The following NREP variants were observed in gnomAD, a reference collection of about 807,000 sequenced individuals.
The protein encoded by NREP is neuronal regeneration related protein.
NREP carries 5 observed loss-of-function variants against 8.6 expected under a neutral mutation model. The observed-to-expected ratio is 0.58, with a 90% CI of 0.30 to 1.22. NREP has a LOEUF of 1.22. NREP is among the 50% of genes most tolerant of loss of function. The probability of loss-of-function intolerance (pLI) is 0.07; values close to 1 mark genes in which losing one functional copy is unlikely to be tolerated. For missense variants in NREP, 86 were observed against 82.5 expected, an observed-to-expected ratio of 1.04 and a Z score of -0.17; for synonymous variants, 27 against 28.0, an observed-to-expected ratio of 0.96 and a Z score of 0.11.
At chr5:111,845,774 G>T (rs949541321) in intron 2 of NREP, among the ~76,000 whole-genome samples, 7 of 151,586 alleles carry the variant, frequency 4.6e-5, no homozygotes, top group Non-Finnish European at 7.4e-5. Context: ...GGACTAACAT[G>T]ACCAAAGGTG....
chr5:111,800,099 T>TG (rs397838069), intron 2 of NREP, among the ~76,000 whole-genome samples: 1 of 151,342 alleles, frequency 6.6e-6, no homozygotes, highest in Non-Finnish European at 1.5e-5. Flanking sequence ...TTTTTTTTTT[T>TG]TGTATTTTTC....
At chr5:111,915,909 G>A (rs10058645) in intron 2 of NREP, among the ~76,000 whole-genome samples, 1,628 of 152,144 alleles carry the variant, frequency 0.011, 28 homozygotes, top group African/African-American at 0.037. Flanking sequence ...AATATTACTA[G>A]AAGAATTGTC....
At chr5:111,947,252 C>G (rs770846077) in intron 2 of NREP, among the ~76,000 whole-genome samples, 7 of 152,008 alleles carry the variant, frequency 4.6e-5, no homozygotes, top group Admixed American at 1.3e-4. Flanking sequence ...GGAGATCCTA[C>G]ATACTAAACT....
chr5:111,834,438 T>G (rs1375274582), intron 2 of NREP, among the ~76,000 whole-genome samples: 2 of 152,200 alleles, frequency 1.3e-5, no homozygotes, highest in Non-Finnish European at 2.9e-5. Context: ...TTCAAACTAA[T>G]AATATTTTAA....
chr5:111,967,059 G>A (rs544131507), intron 2 of NREP, among the ~76,000 whole-genome samples: 5 of 152,126 alleles, frequency 3.3e-5, no homozygotes, highest in Admixed American at 3.3e-4. Flanking sequence ...TGCCCATTTG[G>A]GGTACTTTTT....
At chr5:111,887,176 G>T (rs1581192964) in intron 2 of NREP, among the ~76,000 whole-genome samples, 1 of 151,716 alleles carries the variant, frequency 6.6e-6, no homozygotes, top group Non-Finnish European at 1.5e-5. Context: ...TTCCTTCCTT[G>T]GTCTCCCAAG....
chr5:111,733,400 TGAG>T (rs1748791645), intron 3 of NREP: 1 of 152,136 alleles, frequency 6.6e-6, no homozygotes, highest in African/African-American at 2.4e-5. Context: ...GAGGTGCTCC[TGAG>T]GAGACAGAGT....
chr5:111,826,881 A>T (rs1752641050), intron 2 of NREP, among the ~76,000 whole-genome samples: 1 of 152,204 alleles, frequency 6.6e-6, no homozygotes, highest in South Asian at 2.1e-4. Context: ...GAAGAAGGTA[A>T]GTTGAAAGAG....
chr5:111,867,170 T>C (rs577719989), intron 2 of NREP, among the ~76,000 whole-genome samples: 1 of 152,090 alleles, frequency 6.6e-6, no homozygotes, highest in Non-Finnish European at 1.5e-5. Flanking sequence ...TGATGGTTAA[T>C]ATTCAGCTAA....
chr5:111,916,230 G>A (rs1459119903), intron 2 of NREP, among the ~76,000 whole-genome samples: 1 of 151,954 alleles, frequency 6.6e-6, no homozygotes, highest in African/African-American at 2.4e-5. Context: ...TAGAGAGAGA[G>A]TCATTTTCCC....
chr5:111,733,112 A>AT (rs761660830), intron 3 of NREP: 3 of 152,024 alleles, frequency 2.0e-5, no homozygotes, highest in Non-Finnish European at 2.9e-5. Context: ...CATTTTTACC[A>AT]TTTTTTCTGT....
At chr5:111,888,807 C>T (rs1360967725) in intron 2 of NREP, among the ~76,000 whole-genome samples, 1 of 152,192 alleles carries the variant, frequency 6.6e-6, no homozygotes, top group Non-Finnish European at 1.5e-5. Flanking sequence ...ATTTCAAATG[C>T]TGGATTAAAC....
At chr5:111,852,037 G>A (rs28701591) in intron 2 of NREP, among the ~76,000 whole-genome samples, 1 of 152,092 alleles carries the variant, frequency 6.6e-6, no homozygotes, top group Non-Finnish European at 1.5e-5. Context: ...TGCCTTTGGG[G>A]AAGTGATTAA....
chr5:111,788,991 C>T (rs984506596), intron 2 of NREP, among the ~76,000 whole-genome samples: 3 of 152,294 alleles, frequency 2.0e-5, no homozygotes, highest in Middle Eastern at 3.4e-3. Flanking sequence ...ATGAGCTCTT[C>T]GTGGCTCTAC....
intron 2 of NREP, among the ~76,000 whole-genome samples, chr5:111,855,970 A>G (rs2112474751): frequency 6.6e-6 from 1 of 152,326 alleles, no homozygotes; most frequent in Non-Finnish European, 1.5e-5. Flanking sequence ...GTTACTAGAG[A>G]ACACCTGAGC....
intron 2 of NREP, among the ~76,000 whole-genome samples, chr5:111,777,001 AGGAGGAAGGAGGT>A (rs1164583092): frequency 1.8e-5 from 2 of 113,122 alleles, no homozygotes; most frequent in South Asian, 3.7e-4. Flanking sequence ...GAGGAGGAGG[AGGAGGAAGGAGGT>A]GGAGGAGGAG....
At chr5:111,919,380 C>A (rs1317892708) in intron 2 of NREP, among the ~76,000 whole-genome samples, 1 of 152,094 alleles carries the variant, frequency 6.6e-6, no homozygotes, top group Non-Finnish European at 1.5e-5. Flanking sequence ...TGGGTATATA[C>A]CCAAATGATT....
At chr5:111,838,547 A>C (rs1000387638) in intron 2 of NREP, among the ~76,000 whole-genome samples, 2 of 152,140 alleles carry the variant, frequency 1.3e-5, no homozygotes, top group African/African-American at 4.8e-5. Context: ...GAAAGAATTT[A>C]AGATCAAAAC....
chr5:111,942,130 G>C (rs999307168), intron 2 of NREP, among the ~76,000 whole-genome samples: 5 of 151,964 alleles, frequency 3.3e-5, no homozygotes, highest in African/African-American at 1.2e-4. Flanking sequence ...CTTCACAAAA[G>C]TTATTTTCTT....
Sources: gnomAD v4.1 joint callset for allele counts (sites outside exome capture counted in the v4.1 genomes callset) on GRCh38, gnomAD v4.1.1 for gene constraint, MANE v1.5 for transcripts, NCBI Gene and HGNC (gene_info 2026-07-23, HGNC 2026-07-21) for gene names.